MICU1: variants seen among roughly 807,000 people sequenced by gnomAD.
The protein encoded by MICU1 is calcium uptake protein 1, mitochondrial.
A neutral mutation model predicts 56.8 loss-of-function variants in MICU1; 45 were observed. The observed-to-expected ratio is 0.79, with a 90% CI of 0.62 to 1.02. The LOEUF is 1.02. Ranked by LOEUF, MICU1 falls within the 50% of genes least tolerant of loss-of-function variation. The pLI, the probability that MICU1 is intolerant of heterozygous loss-of-function variation, is 0.00. For synonymous variants in MICU1, 186 were observed against 195.1 expected (o/e 0.95, Z 0.39); for missense variants, 504 against 587.1 (o/e 0.86, Z 1.46).
chr10:72,511,839 TG>T (rs1160729556), intron 5 of MICU1, among the ~76,000 whole-genome samples: 2 of 152,192 alleles, frequency 1.3e-5, no homozygotes, highest in Non-Finnish European at 2.9e-5. Flanking sequence ...CAGAAAAGTC[TG>T]CCCCAGCTCT....
At chr10:72,501,699 A>T (rs2132330710) in intron 6 of MICU1, 1 of 152,300 alleles carries the variant, frequency 6.6e-6, no homozygotes, top group Middle Eastern at 3.4e-3. Flanking sequence ...ATGGAATAAA[A>T]GGTGTTTAAA....
intron 8 of MICU1, among the ~76,000 whole-genome samples, chr10:72,452,143 C>T (rs918487246): frequency 2.6e-5 from 4 of 152,182 alleles, no homozygotes; most frequent in Non-Finnish European, 5.9e-5. Flanking sequence ...GTTGGGATTA[C>T]CAGCATGAGC....
chr10:72,443,873 T>C (rs1865018412), intron 8 of MICU1, among the ~76,000 whole-genome samples: 1 of 151,764 alleles, frequency 6.6e-6, no homozygotes, highest in African/African-American at 2.4e-5. Flanking sequence ...CATTACTGGG[T>C]ATATACCCAA....
At chr10:72,479,698 CTA>C (rs1477282987) in intron 6 of MICU1, among the ~76,000 whole-genome samples, 4 of 152,080 alleles carry the variant, frequency 2.6e-5, no homozygotes, top group East Asian at 3.9e-4. Context: ...GATAATTTTT[CTA>C]TGTTTTGTGG....
intron 9 of MICU1, among the ~76,000 whole-genome samples, chr10:72,409,181 C>A: frequency 6.6e-6 from 1 of 152,148 alleles, no homozygotes; most frequent in East Asian, 1.9e-4. Context: ...ATGTTAATGC[C>A]TTTTAATGAA....
chr10:72,393,603 G>C (rs1347943681), intron 10 of MICU1, among the ~76,000 whole-genome samples: 2 of 152,312 alleles, frequency 1.3e-5, no homozygotes, highest in African/African-American at 2.4e-5. Context: ...CATGGCATAG[G>C]TAGCCCTGTG....
intron 4 of MICU1, among the ~76,000 whole-genome samples, chr10:72,548,039 A>T (rs948582483): frequency 6.6e-6 from 1 of 152,228 alleles, no homozygotes; most frequent in Non-Finnish European, 1.5e-5. Flanking sequence ...TAATGCCTTT[A>T]TATCTCCAAA....
chr10:72,444,111 C>CT (rs1235402815), intron 8 of MICU1, among the ~76,000 whole-genome samples: 2 of 151,692 alleles, frequency 1.3e-5, no homozygotes, highest in African/African-American at 4.8e-5. Flanking sequence ...TCTCAGTAAA[C>CT]TATCGCAAGA....
intron 5 of MICU1, chr10:72,524,777 T>C: frequency 8.2e-7 from 1 of 1,221,158 alleles, no homozygotes; most frequent in Non-Finnish European, 1.0e-6. Context: ...AGAAAAAACA[T>C]TGACATTGTT....
chr10:72,613,362 C>T (rs564781732), intron 1 of MICU1, among the ~76,000 whole-genome samples: 44 of 149,750 alleles, frequency 2.9e-4, no homozygotes, highest in Non-Finnish European at 5.0e-4. Flanking sequence ...CAGCCTCAAA[C>T]GCCTAGGTTT....
chr10:72,502,463 G>A lies in MICU1; in HGVS notation c.652+5692C>T, dbSNP rs887793726. The stretch of plus-strand genomic sequence containing the variant: ...GAGCCACCGCGCCCAGCCTTATTCC[G>A]TTAACTTTGAATGAAAACAGCTCCT... On this transcript the variant is annotated intron_variant, in intron 6 of 11. Transcript: ENST00000361114. Among the ~76,000 whole-genome samples the A allele has an allele frequency of 4.6e-5, 7 of 152,040 alleles. No homozygotes were observed. The East Asian group carries it at 5.8e-4, about 13-fold the overall frequency.
intron 6 of MICU1, among the ~76,000 whole-genome samples, chr10:72,497,134 A>C (rs952722027): frequency 6.6e-6 from 1 of 151,434 alleles, no homozygotes; most frequent in African/African-American, 2.4e-5. Flanking sequence ...ATCTCAGCTC[A>C]CTGCTACCTC....
At chr10:72,399,589 G>A (rs548181896) in intron 10 of MICU1, among the ~76,000 whole-genome samples, 54 of 150,936 alleles carry the variant, frequency 3.6e-4, no homozygotes, top group Admixed American at 2.4e-3. Flanking sequence ...GAGATTGCAG[G>A]GGGCTGAGAT....
intron 5 of MICU1, among the ~76,000 whole-genome samples, chr10:72,515,495 T>C (rs1211139669): frequency 1.3e-5 from 2 of 152,218 alleles, no homozygotes; most frequent in Admixed American, 1.3e-4. Context: ...TAGATTCATA[T>C]CTAGCTATCA....
At chr10:72,450,592 G>A (rs1865264498) in intron 8 of MICU1, among the ~76,000 whole-genome samples, 1 of 152,128 alleles carries the variant, frequency 6.6e-6, no homozygotes, top group Non-Finnish European at 1.5e-5. Flanking sequence ...CTTTCTCACT[G>A]CTAATCTTAA....
intron 8 of MICU1, among the ~76,000 whole-genome samples, chr10:72,430,301 C>T (rs776248215): frequency 6.6e-6 from 1 of 152,054 alleles, no homozygotes; most frequent in Non-Finnish European, 1.5e-5. Flanking sequence ...ATGGTAAGTA[C>T]CACTCTGATA....
At chr10:72,589,943 CT>C (rs1408370826) in intron 1 of MICU1, among the ~76,000 whole-genome samples, 2 of 151,958 alleles carry the variant, frequency 1.3e-5, no homozygotes, top group African/African-American at 4.8e-5. Flanking sequence ...GGGTTTCAGG[CT>C]GCAATACACT....
chr10:72,566,844 G>A, intron 1 of MICU1, 50 bp from the exon 2 acceptor site: 1 of 1,432,040 alleles, frequency 7.0e-7, no homozygotes, highest in South Asian at 1.3e-5. Flanking sequence ...TAGTTATGAT[G>A]ATGATGATGA....
chr10:72,569,231 A>ATTTTTTTTTTTTT (rs1156509426), intron 1 of MICU1, among the ~76,000 whole-genome samples: 3 of 39,540 alleles, frequency 7.6e-5, no homozygotes, highest in African/African-American at 2.7e-4. Flanking sequence ...ATATATATAT[A>ATTTTTTTTTTTTT]TATATATTTT....
Sources: gnomAD v4.1 joint callset for allele counts (sites outside exome capture counted in the v4.1 genomes callset) on GRCh38, gnomAD v4.1.1 for gene constraint, MANE v1.5 for transcripts, NCBI Gene and HGNC (gene_info 2026-07-23, HGNC 2026-07-21) for gene names.